KCND3: variants seen among roughly 807,000 people sequenced by gnomAD.
KCND3 encodes the protein potassium voltage-gated channel subfamily D member 3.
A neutral mutation model predicts 51.1 loss-of-function variants in KCND3; 9 were observed. The ratio of observed to expected loss-of-function variants is 0.18; its 90% confidence interval spans 0.11 to 0.31. The LOEUF (loss-of-function observed/expected upper bound fraction) is 0.31. Among genes scored for constraint, KCND3 ranks in the 10% least tolerant of loss-of-function variants. The probability of loss-of-function intolerance (pLI) is 1.00; values close to 1 mark genes in which losing one functional copy is unlikely to be tolerated. For missense variants in KCND3, 526 were observed against 903.8 expected, an observed-to-expected ratio of 0.58 and a Z score of 5.36; for synonymous variants, 349 against 368.0, an observed-to-expected ratio of 0.95 and a Z score of 0.59.
At chr1:111,973,079 A>G (rs1428795777) in intron 2 of KCND3, among the ~76,000 whole-genome samples, 1 of 152,246 alleles carries the variant, frequency 6.6e-6, no homozygotes, top group Non-Finnish European at 1.5e-5. Flanking sequence ...CATTATTTCC[A>G]TCAGTCTTTG....
chr1:111,955,860 G>T (rs12404774), intron 2 of KCND3, among the ~76,000 whole-genome samples: 1 of 152,120 alleles, frequency 6.6e-6, no homozygotes, highest in African/African-American at 2.4e-5. Context: ...TTCTGCCTTC[G>T]AGAAACAAAC....
chr1:111,797,146 T>G (rs1182049518), intron 2 of KCND3, among the ~76,000 whole-genome samples: 1 of 152,188 alleles, frequency 6.6e-6, no homozygotes, highest in African/African-American at 2.4e-5. Context: ...TGGAGTGAGA[T>G]GTGAGAATCT....
chr1:111,803,885 C>T (rs1052632309), intron 2 of KCND3, among the ~76,000 whole-genome samples: 4 of 152,160 alleles, frequency 2.6e-5, no homozygotes, highest in Non-Finnish European at 4.4e-5. Context: ...ACTCATTTTG[C>T]GCATGTGACA....
intron 2 of KCND3, among the ~76,000 whole-genome samples, chr1:111,789,300 C>T (rs954960542): frequency 6.6e-6 from 1 of 152,230 alleles, no homozygotes; most frequent in Non-Finnish European, 1.5e-5. Context: ...CCGAACAATC[C>T]ACTCCCAGGC....
chr1:111,845,653 T>C (rs924304159), intron 2 of KCND3, among the ~76,000 whole-genome samples: 33 of 152,216 alleles, frequency 2.2e-4, no homozygotes, highest in Non-Finnish European at 4.7e-4. Flanking sequence ...AATTGTCTTA[T>C]ATTAACTCTA....
In KCND3 at chr1:111,981,485, G is replaced by A; in HGVS notation, c.1106+136C>T. ...TCATGGGCTTTACCCTTCGGATAGA[G>A]CAACTTCCCCTGCCCCCAACACTTG... On this transcript the variant is annotated intron_variant, in intron 2 of 7. Transcript: ENST00000302127. This position sits in a 1 kb window ranked among gnomAD's most constrained non-coding sequence, Gnocchi z 6.2. 1 of 1,297,328 alleles carries A rather than the reference G, an allele frequency of 7.7e-7. No individual in the cohort carries two copies. The allele number at this position is 1,297,328 out of a possible 1,614,324, so 80.4% of individuals were successfully genotyped here.
chr1:111,889,013 G>C (rs1031379260), intron 2 of KCND3, among the ~76,000 whole-genome samples: 1 of 152,208 alleles, frequency 6.6e-6, no homozygotes, highest in Non-Finnish European at 1.5e-5. Context: ...AGCAGGAGGA[G>C]GGGCAGGGGT....
At chr1:111,785,923 G>T (rs1308234617) in intron 3 of KCND3, among the ~76,000 whole-genome samples, 1 of 152,148 alleles carries the variant, frequency 6.6e-6, no homozygotes, top group Admixed American at 6.5e-5. Context: ...TGGAATAATG[G>T]ATAAAAGAAT....
intron 2 of KCND3, among the ~76,000 whole-genome samples, chr1:111,841,391 C>T (rs1400846042): frequency 1.3e-5 from 2 of 152,124 alleles, no homozygotes; most frequent in South Asian, 4.2e-4. Context: ...CTTATGTTAA[C>T]TTGTTTGACC....
intron 2 of KCND3, among the ~76,000 whole-genome samples, chr1:111,977,777 A>G (rs1674720218): frequency 6.6e-6 from 1 of 152,240 alleles, no homozygotes; most frequent in South Asian, 2.1e-4. Context: ...ACAAAGTCAA[A>G]TGAAGTTAAG....
rs72548725 is a variant in KCND3 at position 111,981,461 on chromosome 1, C to T, written c.1106+160G>A. ...AGCTACCACCCCCAAACAGATGACT[C>T]ATGGGCTTTACCCTTCGGATAGAGC... On this transcript the variant is annotated intron_variant, in intron 2 of 7. Coordinates refer to ENST00000302127, the MANE Select transcript of KCND3 (RefSeq NM_001378969.1). This position sits in a 1 kb window ranked among gnomAD's most constrained non-coding sequence, Gnocchi z 6.2. Among the ~76,000 whole-genome samples, 3 of 152,276 alleles carry T rather than the reference C, an allele frequency of 2.0e-5. No homozygotes were observed. The highest frequency in any genetic ancestry group is 1.9e-4 in the East Asian group (1 of 5,164).
chr1:111,782,339 A>G (rs2101476849), intron 3 of KCND3, among the ~76,000 whole-genome samples: 1 of 152,212 alleles, frequency 6.6e-6, no homozygotes, highest in Non-Finnish European at 1.5e-5. Flanking sequence ...CCAGGACTTG[A>G]GCCTGAAAGA....
chr1:111,940,422 T>G (rs560072854), intron 2 of KCND3, among the ~76,000 whole-genome samples: 43 of 152,064 alleles, frequency 2.8e-4, no homozygotes, highest in African/African-American at 1.0e-3. Context: ...AAGGAAGGGG[T>G]CCGGTTTCAG....
intron 2 of KCND3, among the ~76,000 whole-genome samples, chr1:111,912,875 A>G (rs1387216287): frequency 6.6e-6 from 1 of 152,276 alleles, no homozygotes; most frequent in Non-Finnish European, 1.5e-5. Context: ...AGTTACAAAA[A>G]TTAAAAAGTT....
At chr1:111,909,321 A>G (rs3008535) in intron 2 of KCND3, 90,297 of 152,014 alleles carry the variant, frequency 0.59, 27,186 homozygotes, top group African/African-American at 0.7. Flanking sequence ...GCCAACTGCC[A>G]GAGCTGAGCG....
chr1:111,852,382 T>G (rs1174671986), intron 2 of KCND3, among the ~76,000 whole-genome samples: 1 of 152,180 alleles, frequency 6.6e-6, no homozygotes, highest in Admixed American at 6.5e-5. Context: ...GGGGAGTCCT[T>G]TTTGTGGGCC....
chr1:111,955,752 A>G (rs1172009542), intron 2 of KCND3, among the ~76,000 whole-genome samples: 1 of 152,188 alleles, frequency 6.6e-6, no homozygotes, highest in Non-Finnish European at 1.5e-5. Context: ...TAGTTTTTGA[A>G]TCATATGGAT....
At chr1:111,912,584 A>G (rs949584098) in intron 2 of KCND3, among the ~76,000 whole-genome samples, 2 of 152,242 alleles carry the variant, frequency 1.3e-5, no homozygotes, top group African/African-American at 4.8e-5. Flanking sequence ...CATTGTTATC[A>G]TGGAGGAGGA....
At chr1:111,850,364 GCTC>G (rs1667756024) in intron 2 of KCND3, among the ~76,000 whole-genome samples, 1 of 152,100 alleles carries the variant, frequency 6.6e-6, no homozygotes, top group Non-Finnish European at 1.5e-5. Flanking sequence ...TGGGGACACA[GCTC>G]CTGAGCCTCT....
Sources: allele counts gnomAD v4.1 joint callset (sites outside exome capture counted in the v4.1 genomes callset), GRCh38; gene constraint gnomAD v4.1.1; non-coding constraint Gnocchi (gnomAD v3.1); transcripts MANE v1.5; gene names NCBI Gene and HGNC (gene_info 2026-07-23, HGNC 2026-07-21).